The following MROH1 variants were observed in gnomAD, a reference collection of about 807,000 sequenced individuals.
The protein encoded by MROH1 is maestro heat-like repeat-containing protein family member 1.
Under a neutral mutation model 116.5 loss-of-function variants are expected in MROH1, and 117 were observed. The observed-to-expected ratio is 1.00, with a 90% CI of 0.86 to 1.17. MROH1 has a LOEUF of 1.17. Among genes scored for constraint, MROH1 ranks in the 50% most tolerant of loss-of-function variants. The pLI, the probability that MROH1 is intolerant of heterozygous loss-of-function variation, is 0.00. For missense variants in MROH1, 1,873 were observed against 1,338.5 expected (o/e 1.40, Z -6.23); for synonymous variants, 921 against 583.9 (o/e 1.58, Z -8.32).
rs960604247 is a variant in MROH1 at position 144,241,437 on chromosome 8, G to A, written c.2098G>A (p.Glu700Lys). ...CFGICAISHL[E>K]DTLAQLEDFV... is the part of the protein sequence containing the mutation. Reference sequence around the variant, plus strand: ...CGGGATCTGTGCCATCTCCCACCTCGAGGACACGCTGGCCCAGCTGGAGGA... The same window carrying A: ...CGGGATCTGTGCCATCTCCCACCTCAAGGACACGCTGGCCCAGCTGGAGGA... Residue 700 changes from glutamate to lysine, a missense_variant, in exon 22 of 44, where the codon GAG (glutamate) becomes AAG (lysine). Glu to Lys is a moderately conservative substitution (Grantham distance 56, BLOSUM62 1). Transcript: ENST00000326134. 24 of 778,586 alleles carry A rather than the reference G, an allele frequency of 3.1e-5. No homozygotes were observed. Among genetic ancestry groups the A allele is most frequent in the African/African-American group, 1.9e-4 (11 of 59,074 alleles). 48.2% of individuals were successfully genotyped at this position (778,586 alleles called of 1,614,324 possible).
At chr8:144,244,690 C>T (rs1841587868) in intron 28 of MROH1, among the ~76,000 whole-genome samples, 151 bp downstream of exon 28, 1 of 152,200 alleles carries the variant, frequency 6.6e-6, no homozygotes, top group Non-Finnish European at 1.5e-5. Context: ...AGGTGCACCC[C>T]CTCCCATCTG....
chr8:144,255,426 G>A, intron 34 of MROH1, 83 bp from the exon 35 acceptor site: 1 of 728,214 alleles, frequency 1.4e-6, no homozygotes, highest in South Asian at 1.5e-5. Context: ...GCAGGCGAAG[G>A]GGGATGCAGT....
chr8:144,205,001 G>A (rs1450943032), intron 12 of MROH1, among the ~76,000 whole-genome samples: 1 of 152,154 alleles, frequency 6.6e-6, no homozygotes, highest in East Asian at 1.9e-4. Flanking sequence ...CTCACAAGTG[G>A]CTTATGAGCA....
intron 33 of MROH1, among the ~76,000 whole-genome samples, chr8:144,252,943 C>T (rs1007236012): frequency 9.0e-5 from 13 of 145,202 alleles, no homozygotes; most frequent in Middle Eastern, 3.8e-3. Flanking sequence ...GCAACGAGAG[C>T]GAAACTCCGT....
In MROH1 at chr8:144,163,495, G is replaced by A. The variant is rs923483243; in HGVS notation, c.-56-276G>A. ...CACTCCTGCTGGGGCTGATGGTGAC[G>A]AGGTGACACTGTGGGCCAGCTGTGG... On this transcript the variant is annotated intron_variant, in intron 2 of 43. Transcript: ENST00000326134. The surrounding 1 kb of genome is among the most constrained non-coding windows in gnomAD (Gnocchi z 4.4). 1.4e-4 allele frequency among the ~76,000 whole-genome samples: 21 copies of A among 152,146 alleles called. No homozygotes were observed. Among genetic ancestry groups the A allele is most frequent in the Admixed American group, 1.3e-4 (2 of 15,264 alleles).
chr8:144,207,806 G>A (rs1260557775), intron 12 of MROH1, among the ~76,000 whole-genome samples: 2 of 152,174 alleles, frequency 1.3e-5, no homozygotes, highest in Non-Finnish European at 2.9e-5. Context: ...TGCCTGCTCA[G>A]AAGTCATGAA....
Position 144,259,281 on chromosome 8 carries a change from T to C in MROH1, c.3971T>C (p.Leu1324Pro). Residue 1324 changes from leucine (L) to proline (P), a missense_variant, in exon 37 of 44, where the codon CTG (leucine) becomes CCG (proline). Physicochemically the swap from Leu to Pro is moderately conservative, Grantham distance 98. Transcript: ENST00000326134. The part of the protein sequence containing the change: ...EHAGPRLPLV[L>P]KTLACTHSSA... Reference sequence around the variant, plus strand: ...GCAGGGCCCCGACTCCCCCTGGTGCTGAAGACGCTGGCATGCACACACAGC... The same window carrying C: ...GCAGGGCCCCGACTCCCCCTGGTGCCGAAGACGCTGGCATGCACACACAGC... 1.4e-6 allele frequency: 1 copy of C among 714,988 alleles called. No homozygotes were observed. The highest frequency in any genetic ancestry group is 2.6e-6 in the Non-Finnish European group (1 of 384,876). 44.3% of individuals were successfully genotyped at this position (714,988 alleles called of 1,614,324 possible). A position where few individuals can be genotyped will look rare whatever the true frequency, so the allele number is the denominator to read the frequency against.
chr8:144,180,652 G>C lies in MROH1; in HGVS notation c.562+129G>C. ...GGAAGGGGGGCTGTTGGAGGGAGGG[G>C]CCCCCTGGCTGAGGCTGCTGGCTGG... On this transcript the variant is annotated intron_variant, in intron 7 of 43. Transcript: ENST00000326134. This position sits in a 1 kb window ranked among gnomAD's most constrained non-coding sequence, Gnocchi z 7.4. The C allele has an allele frequency of 1.1e-6, 1 of 877,338 alleles. No individual in the cohort carries two copies. The highest frequency in any genetic ancestry group is 1.7e-5 in the South Asian group (1 of 57,424). 54.3% of individuals were successfully genotyped at this position (877,338 alleles called of 1,614,324 possible). A position where few individuals can be genotyped will look rare whatever the true frequency, so the allele number is the denominator to read the frequency against.
At chr8:144,174,897 A>T in intron 4 of MROH1, 10 of 985,342 alleles carry the variant, frequency 1.0e-5, no homozygotes, top group Non-Finnish European at 1.2e-5. Flanking sequence ...TGCACTGAGC[A>T]CTCAATCACC....
intron 2 of MROH1, among the ~76,000 whole-genome samples, chr8:144,161,686 G>A (rs889595037): frequency 2.8e-4 from 42 of 152,360 alleles, no homozygotes; most frequent in African/African-American, 1.0e-3. Flanking sequence ...GAGCAGGCAA[G>A]TCCAAGTCCA....
intron 30 of MROH1, 46 bp from the exon 31 acceptor site, chr8:144,247,521 G>C (rs1029287913): frequency 1.2e-4 from 91 of 758,874 alleles, no homozygotes; most frequent in Non-Finnish European, 2.1e-4. Flanking sequence ...CTGTGGGATC[G>C]CCAGGGAGGG....
chr8:144,237,781 T>C (rs1265746133), intron 14 of MROH1, among the ~76,000 whole-genome samples: 1 of 152,230 alleles, frequency 6.6e-6, no homozygotes, highest in Non-Finnish European at 1.5e-5. Context: ...TTCCCCGTTG[T>C]GGTTCCTTGT....
At chr8:144,260,862 G>A in intron 40 of MROH1, 30 bp downstream of exon 40, 2 of 777,706 alleles carry the variant, frequency 2.6e-6, no homozygotes, top group Non-Finnish European at 4.8e-6. Context: ...GTGGGATGGG[G>A]TGGGTGGCCT....
chr8:144,254,179 C>T (rs1216293303), intron 33 of MROH1, among the ~76,000 whole-genome samples: 1 of 152,184 alleles, frequency 6.6e-6, no homozygotes, highest in African/African-American at 2.4e-5. Flanking sequence ...TTCCTATTCA[C>T]TGGGTAAGTT....
rs1234268855 is a variant in MROH1, at chr8:144,259,304, A to G, written c.3994A>G (p.Ser1332Gly). Residue 1332 changes from serine (S) to glycine (G), a missense_variant, in exon 37 of 44, where the codon AGC (serine) becomes GGC (glycine). Transcript: ENST00000326134. ...LVLKTLACTHSSAYENQRVTT... is the reference protein window; with the variant it reads ...LVLKTLACTHGSAYENQRVTT... ...GCTGAAGACGCTGGCATGCACACAC[A>G]GCAGTGCGTATGAGAACCAGAGGGT... 5.6e-6 allele frequency: 4 copies of G among 714,976 alleles called. No homozygotes were observed. The highest frequency in any genetic ancestry group is 1.0e-5 in the Non-Finnish European group (4 of 384,886). 44.3% of individuals were successfully genotyped at this position (714,976 alleles called of 1,614,324 possible).
chr8:144,249,903 C>T (rs896487436), intron 32 of MROH1, among the ~76,000 whole-genome samples: 14 of 152,306 alleles, frequency 9.2e-5, no homozygotes, highest in Non-Finnish European at 1.6e-4. Flanking sequence ...GGCATGGGGC[C>T]GCTGGCTCTG....
chr8:144,205,534 A>ACG (rs1292807253), intron 12 of MROH1, among the ~76,000 whole-genome samples: 1 of 151,180 alleles, frequency 6.6e-6, no homozygotes, highest in Non-Finnish European at 1.5e-5. Flanking sequence ...ACACACACAC[A>ACG]CACGCATGCA....
chr8:144,157,312 C>T (rs1461597136), intron 1 of MROH1, among the ~76,000 whole-genome samples: 3 of 152,102 alleles, frequency 2.0e-5, no homozygotes, highest in Non-Finnish European at 4.4e-5. Context: ...AAACTCCTGA[C>T]CTCAAGTTAT....
At position 144,250,320 on chromosome 8, in the gene MROH1, G is replaced by A. The variant is rs996555945; in HGVS notation, c.3382G>A (p.Ala1128Thr). Residue 1128 changes from alanine to threonine, a missense_variant, in exon 33 of 44, where the codon GCA becomes ACA. Coordinates refer to ENST00000326134, the MANE Select transcript of MROH1 (RefSeq NM_032450.3). The stretch of plus-strand genomic sequence containing the variant: ...GTACCTCCTGGCCACCCAGCACTGC[G>A]CAGCCGTGGTGTCCAGCCTCCTGGG... ...SVYLLATQHCAAVVSSLLGSP... is the reference protein window; with the variant it reads ...SVYLLATQHCTAVVSSLLGSP... The A allele has an allele frequency of 5.3e-5, 41 of 767,612 alleles. No individual in the cohort carries two copies. In the East Asian group the frequency reaches 6.8e-4, roughly 13 times the overall value. 47.6% of individuals were successfully genotyped at this position (767,612 alleles called of 1,614,324 possible).
Sources: gnomAD v4.1 joint callset for allele counts (sites outside exome capture counted in the v4.1 genomes callset) on GRCh38, gnomAD v4.1.1 for gene constraint, Gnocchi (gnomAD v3.1) non-coding constraint, MANE v1.5 for transcripts, NCBI Gene and HGNC (gene_info 2026-07-23, HGNC 2026-07-21) for gene names.